ATP13A4: variants seen among roughly 807,000 people sequenced by gnomAD.
The protein encoded by ATP13A4 is probable cation-transporting ATPase 13A4.
Under a neutral mutation model 142.5 loss-of-function variants are expected in ATP13A4, and 114 were observed. The ratio of observed to expected loss-of-function variants is 0.80; its 90% CI spans 0.69 to 0.93. The LOEUF (loss-of-function observed/expected upper bound fraction) is 0.93. Ranked by LOEUF, ATP13A4 falls within the 40% of genes least tolerant of loss-of-function variation. The pLI is 0.00. For synonymous variants in ATP13A4, 488 were observed against 514.8 expected, an observed-to-expected ratio of 0.95 and a Z score of 0.70; for missense variants, 1,392 against 1,454.0, an observed-to-expected ratio of 0.96 and a Z score of 0.69.
At chr3:193,456,518 T>C (rs1004694517) in intron 16 of ATP13A4, among the ~76,000 whole-genome samples, 9 of 152,150 alleles carry the variant, frequency 5.9e-5, no homozygotes, top group Admixed American at 4.6e-4. Context: ...CCTGAAAGCC[T>C]TATATATGAT....
chr3:193,519,007 A>G (rs545590344), intron 1 of ATP13A4, among the ~76,000 whole-genome samples: 12 of 152,140 alleles, frequency 7.9e-5, no homozygotes, highest in Non-Finnish European at 1.5e-4. Flanking sequence ...AGAGGCAGGA[A>G]TGCTTCTAAG....
At chr3:193,452,224 GT>G (rs1717321105) in intron 17 of ATP13A4, among the ~76,000 whole-genome samples, 1 of 152,228 alleles carries the variant, frequency 6.6e-6, no homozygotes, top group African/African-American at 2.4e-5. Context: ...AGGAAACCAA[GT>G]TCCATTCCCA....
chr3:193,449,988 A>C (rs1004234519), intron 17 of ATP13A4, among the ~76,000 whole-genome samples: 1 of 151,956 alleles, frequency 6.6e-6, no homozygotes, highest in Non-Finnish European at 1.5e-5. Flanking sequence ...GCATGGTGCC[A>C]GGCGCCTGTA....
chr3:193,512,301 G>A (rs1039921553), intron 2 of ATP13A4, among the ~76,000 whole-genome samples: 31 of 152,306 alleles, frequency 2.0e-4, no homozygotes, highest in African/African-American at 7.5e-4. Flanking sequence ...GTCTTCCATA[G>A]ATACTCACAC....
chr3:193,542,675 C>T (rs1722997564), intron 1 of ATP13A4, among the ~76,000 whole-genome samples: 1 of 152,294 alleles, frequency 6.6e-6, no homozygotes, highest in South Asian at 2.1e-4. Flanking sequence ...AAGTACACCA[C>T]ACATCTACGT....
In ATP13A4 at chr3:193,554,872, G is replaced by C. The variant is rs1466993417; in HGVS notation, c.-73C>G. 1.2e-6 allele frequency: 2 copies of C among 1,612,784 alleles called. No individual in the cohort carries two copies. Among genetic ancestry groups the C allele is most frequent in the East Asian group, 4.5e-5 (2 of 44,884 alleles). On this transcript the variant is annotated 5_prime_UTR_variant, in exon 1 of 30. Transcript: ENST00000342695. ...TCCAGGATGAACTCCAACTCGCCGA[G>C]CCACCGCAGCTCCTCAGCTGACTAA...
chr3:193,582,149 CTTTTT>C (rs61610633), intron 1 of ATP13A4, among the ~76,000 whole-genome samples: 1 of 124,438 alleles, frequency 8.0e-6, no homozygotes, highest in Non-Finnish European at 1.7e-5. Context: ...CTTTTCTTTT[CTTTTT>C]TTTTTTTTTT....
chr3:193,558,814 C>T (rs1162726090), upstream of ATP13A4, among the ~76,000 whole-genome samples: 1 of 152,188 alleles, frequency 6.6e-6, no homozygotes, highest in Non-Finnish European at 1.5e-5. Flanking sequence ...AAAGTACCTT[C>T]GTTCATTCTC....
intron 10 of ATP13A4, among the ~76,000 whole-genome samples, 184 bp downstream of exon 10, chr3:193,467,132 G>C (rs1576993589): frequency 6.6e-6 from 1 of 152,036 alleles, no homozygotes; most frequent in African/African-American, 2.4e-5. Flanking sequence ...TGGCAGGCCT[G>C]TGTCAAAACA....
chr3:193,413,319 G>A (rs556943390), intron 26 of ATP13A4, among the ~76,000 whole-genome samples: 77 of 152,128 alleles, frequency 5.1e-4, no homozygotes, highest in Non-Finnish European at 7.9e-4. Flanking sequence ...GAGAATGTAC[G>A]TCACCTCAGG....
At chr3:193,434,062 G>A (rs1716121989) in intron 24 of ATP13A4, 145 bp from the exon 25 acceptor site, 2 of 720,478 alleles carry the variant, frequency 2.8e-6, no homozygotes, top group Admixed American at 2.1e-5. Flanking sequence ...GGTTGAGTTG[G>A]TGAGTGATGG....
intron 3 of ATP13A4, among the ~76,000 whole-genome samples, chr3:193,497,458 A>G (rs922594808): frequency 1.3e-5 from 2 of 152,206 alleles, no homozygotes; most frequent in African/African-American, 4.8e-5. Context: ...ACTCTTGTAC[A>G]CTGTTAGTGA....
At position 193,523,557 on chromosome 3, in the gene ATP13A4, C is replaced by T. The variant is rs74944926; in HGVS notation, c.61-8686G>A. On this transcript the variant is annotated intron_variant, in intron 1 of 29. Coordinates refer to ENST00000342695, the MANE Select transcript of ATP13A4 (RefSeq NM_032279.4). Reference sequence around the variant, plus strand: ...ATAAAAACCCCTAAATGATGGTATTCGCAGAGCTTCAGAGTTGACAAACAC... The same window carrying T: ...ATAAAAACCCCTAAATGATGGTATTTGCAGAGCTTCAGAGTTGACAAACAC... 5.4e-3 allele frequency among the ~76,000 whole-genome samples: 829 copies of T among 152,274 alleles called. 14 individuals carry two copies. In the East Asian group the frequency reaches 0.07, roughly 13 times the overall value.
At chr3:193,513,787 T>A (rs1351462667) in intron 2 of ATP13A4, among the ~76,000 whole-genome samples, 1 of 152,188 alleles carries the variant, frequency 6.6e-6, no homozygotes, top group Non-Finnish European at 1.5e-5. Flanking sequence ...GAATGTGACA[T>A]GCTCTCATCA....
At chr3:193,429,045 A>G (rs1021619840) in intron 25 of ATP13A4, among the ~76,000 whole-genome samples, 1 of 152,102 alleles carries the variant, frequency 6.6e-6, no homozygotes, top group Non-Finnish European at 1.5e-5. Context: ...TGATGAGCAC[A>G]TGACTATATG....
At chr3:193,590,832 G>C (rs932984028) in intron 1 of ATP13A4, among the ~76,000 whole-genome samples, 6 of 152,178 alleles carry the variant, frequency 3.9e-5, no homozygotes, top group African/African-American at 1.4e-4. Flanking sequence ...AGAAGCACAA[G>C]CTTCATGATA....
At chr3:193,454,687 C>G (rs1717482726) in intron 16 of ATP13A4, among the ~76,000 whole-genome samples, 1 of 152,114 alleles carries the variant, frequency 6.6e-6, no homozygotes, top group South Asian at 2.1e-4. Flanking sequence ...GAAACTGGAC[C>G]CCTTCCTTAC....
chr3:193,485,161 A>G (rs1437216827), intron 7 of ATP13A4, among the ~76,000 whole-genome samples: 1 of 151,696 alleles, frequency 6.6e-6, no homozygotes, highest in Non-Finnish European at 1.5e-5. Flanking sequence ...GGCAGGAGAA[A>G]TAAGTCAAAG....
At chr3:193,488,569 T>C (rs73063907) in intron 7 of ATP13A4, among the ~76,000 whole-genome samples, 6,016 of 152,230 alleles carry the variant, frequency 0.04, 402 homozygotes, top group African/African-American at 0.14. Context: ...TTTAAAATGA[T>C]CTATGGGCTT....
Sources: allele counts gnomAD v4.1 joint callset (sites outside exome capture counted in the v4.1 genomes callset), GRCh38; gene constraint gnomAD v4.1.1; transcripts MANE v1.5; gene names NCBI Gene and HGNC (gene_info 2026-07-23, HGNC 2026-07-21).